CACNA1C: variants seen among roughly 807,000 people sequenced by gnomAD.
CACNA1C encodes the protein calcium voltage-gated channel subunit alpha1 C.
CACNA1C carries 30 observed loss-of-function variants against 229.0 expected under a neutral mutation model. That is an observed-to-expected ratio of 0.13 (90% confidence interval 0.10 to 0.18). The LOEUF (loss-of-function observed/expected upper bound fraction) is 0.18. Ranked by LOEUF, CACNA1C falls within the 10% of genes least tolerant of loss-of-function variation. The pLI, the probability that CACNA1C is intolerant of heterozygous loss-of-function variation, is 1.00. For synonymous variants in CACNA1C, 1,114 were observed against 1,132.5 expected, an observed-to-expected ratio of 0.98 and a Z score of 0.33; for missense variants, 1,658 against 2,845.0, an observed-to-expected ratio of 0.58 and a Z score of 9.49.
Position 2,155,247 on chromosome 12 carries a change from C to T in CACNA1C, c.477+34817C>T, listed in dbSNP as rs535677519. Among the ~76,000 whole-genome samples, 16 of 152,208 alleles carry T rather than the reference C, an allele frequency of 1.1e-4. No homozygotes were observed. The East Asian group carries it at 2.5e-3, about 24-fold the overall frequency. The stretch of plus-strand genomic sequence containing the variant: ...GTTCCCTTGGTGTGGGATTGATGGA[C>T]CTGTGGACAACAGGAGTTTTGTTAG... On this transcript the variant is annotated intron_variant, in intron 3 of 46. Transcript: ENST00000399655.
At chr12:2,459,051 C>T (rs1444409398) in intron 5 of CACNA1C, among the ~76,000 whole-genome samples, 4 of 143,814 alleles carry the variant, frequency 2.8e-5, no homozygotes, top group African/African-American at 1.0e-4. Flanking sequence ...GGCACAATCT[C>T]AGCTCACTGC....
chr12:2,499,146 G>C (rs138352167), intron 7 of CACNA1C, among the ~76,000 whole-genome samples: 41 of 152,226 alleles, frequency 2.7e-4, no homozygotes, highest in East Asian at 1.9e-4. Context: ...TTGGTGCTCC[G>C]TGAGGTAGCT....
At chr12:2,184,442 G>A (rs992816300) in intron 3 of CACNA1C, among the ~76,000 whole-genome samples, 1 of 152,080 alleles carries the variant, frequency 6.6e-6, no homozygotes, top group Non-Finnish European at 1.5e-5. Flanking sequence ...AGATAAGTTT[G>A]TGTTAGTTTG....
intron 3 of CACNA1C, among the ~76,000 whole-genome samples, chr12:2,233,467 A>C (rs2066111359): frequency 6.6e-6 from 1 of 151,980 alleles, no homozygotes; most frequent in Non-Finnish European, 1.5e-5. Flanking sequence ...AGGAGACATT[A>C]CTCCTTTTCT....
At chr12:2,205,594 G>A (rs1194821134) in intron 3 of CACNA1C, among the ~76,000 whole-genome samples, 1 of 152,182 alleles carries the variant, frequency 6.6e-6, no homozygotes, top group African/African-American at 2.4e-5. Context: ...GGGGTCCTGT[G>A]CATTGCAAGT....
At chr12:2,397,492 C>T (rs1292372709) in intron 3 of CACNA1C, among the ~76,000 whole-genome samples, 2 of 152,224 alleles carry the variant, frequency 1.3e-5, no homozygotes, top group Admixed American at 6.5e-5. Flanking sequence ...ACACGTGCCG[C>T]GGAGGCGGCA....
chr12:2,425,675 C>CA (rs1471049915), intron 3 of CACNA1C, among the ~76,000 whole-genome samples: 7 of 152,298 alleles, frequency 4.6e-5, no homozygotes, highest in African/African-American at 1.7e-4. Context: ...GCACTTACCT[C>CA]ATTTCCAGCC....
intron 18 of CACNA1C, 115 bp from the exon 19 acceptor site, chr12:2,593,098 T>C: frequency 8.5e-7 from 1 of 1,179,322 alleles, no homozygotes. Flanking sequence ...TCTGTCTTGG[T>C]TGGTACCCTA....
At chr12:2,364,591 GC>G (rs1191661806) in intron 3 of CACNA1C, among the ~76,000 whole-genome samples, 1 of 152,208 alleles carries the variant, frequency 6.6e-6, no homozygotes, top group Non-Finnish European at 1.5e-5. Context: ...TCGGCTAAAA[GC>G]AGAACGTTTA....
intron 9 of CACNA1C, among the ~76,000 whole-genome samples, chr12:2,518,699 A>C (rs2099803396): frequency 6.6e-6 from 1 of 152,130 alleles, no homozygotes; most frequent in South Asian, 2.1e-4. Flanking sequence ...TACGAGTCAC[A>C]CAAACACATG....
chr12:2,312,043 A>C (rs1217802059), intron 3 of CACNA1C, among the ~76,000 whole-genome samples: 1 of 152,184 alleles, frequency 6.6e-6, no homozygotes, highest in East Asian at 1.9e-4. Context: ...GTAATACAAG[A>C]GGGTGAAGTT....
chr12:2,427,190 T>C, intron 3 of CACNA1C, among the ~76,000 whole-genome samples: 1 of 152,200 alleles, frequency 6.6e-6, no homozygotes, highest in East Asian at 1.9e-4. Flanking sequence ...TGTGCCAATC[T>C]GCAATGAAGG....
chr12:2,629,518 G>T (rs182071413), intron 29 of CACNA1C, among the ~76,000 whole-genome samples: 3 of 152,276 alleles, frequency 2.0e-5, no homozygotes, highest in African/African-American at 7.2e-5. Context: ...TTGGATGCAT[G>T]GTCTCCTTTC....
chr12:2,338,190 C>T (rs544543015), intron 3 of CACNA1C, among the ~76,000 whole-genome samples: 14 of 152,236 alleles, frequency 9.2e-5, no homozygotes, highest in African/African-American at 2.9e-4. Flanking sequence ...GAGGGCAACT[C>T]GTTTTTTAAC....
intron 3 of CACNA1C, among the ~76,000 whole-genome samples, chr12:2,318,688 G>A (rs1317775533): frequency 2.6e-5 from 4 of 152,148 alleles, no homozygotes; most frequent in Admixed American, 6.5e-5. Context: ...GGCGCCACAC[G>A]GCACCTAGAA....
In CACNA1C at chr12:2,479,713, T is replaced by C. The variant is rs574112193; in HGVS notation, c.758-6391T>C. 6.6e-6 allele frequency among the ~76,000 whole-genome samples: 1 copy of C among 152,348 alleles called. No homozygotes were observed. The highest frequency in any genetic ancestry group is 1.9e-4 in the East Asian group (1 of 5,172). On this transcript the variant is annotated intron_variant, in intron 5 of 46. Transcript: ENST00000399655. This position sits in a 1 kb window ranked among gnomAD's most constrained non-coding sequence, Gnocchi z 4.3. ...TCTTGAAAGTGGGCTGTCGCCTTAA[T>C]GCTGGCTTGAAGCACAGCAGAATCC...
At chr12:2,523,582 C>CGG (rs57310851) in intron 9 of CACNA1C, among the ~76,000 whole-genome samples, 2 of 152,002 alleles carry the variant, frequency 1.3e-5, no homozygotes, top group African/African-American at 4.8e-5. Context: ...TATGGGGCCC[C>CGG]GGGGGGGATC....
intron 38 of CACNA1C, 118 bp downstream of exon 38, chr12:2,669,153 C>T (rs934282945): frequency 2.6e-6 from 2 of 769,356 alleles, no homozygotes; most frequent in East Asian, 2.5e-5. Context: ...AGCATCCGAG[C>T]TGGGATACGG....
intron 9 of CACNA1C, among the ~76,000 whole-genome samples, chr12:2,517,011 C>T (rs746428609): frequency 2.0e-5 from 3 of 152,174 alleles, no homozygotes; most frequent in Non-Finnish European, 4.4e-5. Context: ...AACCAGCAAA[C>T]AGGACTCCTA....
Sources: allele counts gnomAD v4.1 joint callset (sites outside exome capture counted in the v4.1 genomes callset), GRCh38; gene constraint gnomAD v4.1.1; non-coding constraint Gnocchi (gnomAD v3.1); transcripts MANE v1.5; gene names NCBI Gene and HGNC (gene_info 2026-07-23, HGNC 2026-07-21).